TOGARAM2: variants seen among roughly 807,000 people sequenced by gnomAD.
TOGARAM2 encodes TOG array regulator of axonemal microtubules protein 2.
Under a neutral mutation model 93.3 loss-of-function variants are expected in TOGARAM2, and 85 were observed. The observed-to-expected ratio is 0.91, with a 90% CI of 0.76 to 1.09. The LOEUF is 1.09. Among genes scored for constraint, TOGARAM2 ranks in the 50% least tolerant of loss-of-function variants. The pLI, the probability that TOGARAM2 is intolerant of heterozygous loss-of-function variation, is 0.00. For missense variants in TOGARAM2, 1,277 were observed against 1,334.5 expected, an observed-to-expected ratio of 0.96 and a Z score of 0.67; for synonymous variants, 593 against 552.8, an observed-to-expected ratio of 1.07 and a Z score of -1.02.
At chr2:29,006,385 A>G (rs1403155445) in intron 6 of TOGARAM2, among the ~76,000 whole-genome samples, 1 of 115,074 alleles carries the variant, frequency 8.7e-6, no homozygotes, top group Non-Finnish European at 1.8e-5. Flanking sequence ...TATGTGTGTG[A>G]GTGCGTGTGT....
chr2:29,033,419 C>A, intron 15 of TOGARAM2, 50 bp from the exon 16 acceptor site: 1 of 1,524,764 alleles, frequency 6.6e-7, no homozygotes. Context: ...TCTGGCATTT[C>A]CCTGGAGGGC....
intron 1 of TOGARAM2, among the ~76,000 whole-genome samples, chr2:28,986,567 T>C (rs931446757): frequency 3.9e-5 from 6 of 152,356 alleles, no homozygotes; most frequent in African/African-American, 1.4e-4. Context: ...AGCAACGTGC[T>C]ACTTGACCCC....
chr2:28,976,956 G>A (rs1672047325), upstream of TOGARAM2, among the ~76,000 whole-genome samples: 2 of 152,284 alleles, frequency 1.3e-5, no homozygotes, highest in East Asian at 1.9e-4. Context: ...TGGGAGATAA[G>A]CCAGCACAGT....
chr2:28,968,403 C>T (rs957233893), intron 1 of TOGARAM2, among the ~76,000 whole-genome samples: 2 of 152,124 alleles, frequency 1.3e-5, no homozygotes, highest in Non-Finnish European at 2.9e-5. Flanking sequence ...CTCCCCTCTT[C>T]CCTCCTCGCT....
chr2:29,017,888 C>T lies in TOGARAM2; in HGVS notation c.1292C>T (p.Ala431Val). 2 of 1,612,708 alleles carry T rather than the reference C, an allele frequency of 1.2e-6. No individual in the cohort carries two copies. Among genetic ancestry groups the T allele is most frequent in the South Asian group, 2.2e-5 (2 of 90,884 alleles). The part of the protein sequence containing the change: ...NDVSIILRKW[A>V]SRASLPSIPI... ...GTCAGCATCATCCTGAGGAAGTGGG[C>T]CAGCCGGGCCTCCCTGCCCAGCATC... The change falls in exon 10 of 20, where the codon GCC (alanine) becomes GTC (valine). Residue 431 changes from alanine to valine, a missense_variant. Transcript: ENST00000379558.
chr2:29,004,034 C>A (rs541295935), intron 6 of TOGARAM2, among the ~76,000 whole-genome samples: 1 of 152,214 alleles, frequency 6.6e-6, no homozygotes, highest in African/African-American at 2.4e-5. Context: ...CTCACTCTGT[C>A]GCCCAGGCTG....
intron 16 of TOGARAM2, among the ~76,000 whole-genome samples, chr2:29,035,150 CAAAA>C (rs5830098): frequency 6.8e-5 from 7 of 102,552 alleles, no homozygotes; most frequent in Admixed American, 2.0e-4. Context: ...GACTCTGCCT[CAAAA>C]AAAAAAAAAA....
chr2:28,983,231 A>C (rs1672314202), intron 1 of TOGARAM2, among the ~76,000 whole-genome samples: 1 of 70,162 alleles, frequency 1.4e-5, no homozygotes. Flanking sequence ...TTTTTTGTAG[A>C]GATGGGTTTT....
At chr2:29,020,311 G>A (rs1337963023) in intron 10 of TOGARAM2, among the ~76,000 whole-genome samples, 1 of 150,082 alleles carries the variant, frequency 6.7e-6, no homozygotes, top group African/African-American at 2.5e-5. Flanking sequence ...ATTGTAACTA[G>A]GGGCAAGGAG....
At chr2:29,017,378 C>A in intron 9 of TOGARAM2, 74 bp downstream of exon 9, 1 of 1,336,872 alleles carries the variant, frequency 7.5e-7, no homozygotes, top group South Asian at 1.9e-5. Context: ...TGCTGATGGG[C>A]CCATTTTCTT....
intron 14 of TOGARAM2, among the ~76,000 whole-genome samples, chr2:29,029,447 G>T (rs539521265): frequency 7.5e-4 from 115 of 152,330 alleles, no homozygotes; most frequent in African/African-American, 2.7e-3. Flanking sequence ...AAGCTATGAG[G>T]ATGCAAGGGC....
At position 29,033,004 on chromosome 2, in the gene TOGARAM2, C is replaced by T. The variant is rs1665861540; in HGVS notation, c.2083C>T (p.Leu695Phe). Residue 695 changes from leucine (L) to phenylalanine (F), a missense_variant, in exon 15 of 20, where the codon CTC becomes TTC. Transcript: ENST00000379558. Reference sequence around the variant, plus strand: ...GTTTGATGCATTTCTGAAGCAATCTCTCCCATCTTACGACTTGCAGAAGGT... The same window carrying T: ...GTTTGATGCATTTCTGAAGCAATCTTTCCCATCTTACGACTTGCAGAAGGT... ...TKFDAFLKQS[L>F]PSYDLQKVMA... is the part of the protein sequence containing the mutation. 1 of 1,613,910 alleles carries T rather than the reference C, an allele frequency of 6.2e-7. No individual in the cohort carries two copies. The highest frequency in any genetic ancestry group is 8.5e-7 in the Non-Finnish European group (1 of 1,179,870).
upstream of TOGARAM2, among the ~76,000 whole-genome samples, chr2:28,978,859 C>T (rs558352689): frequency 3.3e-4 from 51 of 152,266 alleles, no homozygotes; most frequent in African/African-American, 1.1e-3. Context: ...TGGTTTCCTT[C>T]ATAGCTGTTG....
chr2:28,989,861 G>A (rs1039594943), intron 1 of TOGARAM2, among the ~76,000 whole-genome samples: 3 of 152,262 alleles, frequency 2.0e-5, no homozygotes, highest in Non-Finnish European at 2.9e-5. Context: ...GTTTAGCAAC[G>A]TGCCTTCAGT....
At chr2:29,006,348 A>G (rs367634343) in intron 6 of TOGARAM2, among the ~76,000 whole-genome samples, 14 of 100,750 alleles carry the variant, frequency 1.4e-4, no homozygotes, top group Middle Eastern at 0.017. Flanking sequence ...GTATGTGTGT[A>G]TGTGTGAGTG....
Position 29,033,020 on chromosome 2 carries a change from T to A in TOGARAM2, c.2099T>A (p.Leu700Ter). 1.2e-6 allele frequency: 2 copies of A among 1,613,854 alleles called. No individual in the cohort carries two copies. The stretch of plus-strand genomic sequence containing the variant: ...AAGCAATCTCTCCCATCTTACGACT[T>A]GCAGAAGGTCATGGCGGCCATTAAA... ...FLKQSLPSYD[L>*]QKVMAAIKQQ... Residue 700 changes from leucine to a stop codon, truncating the protein, a stop_gained, in exon 15 of 20, where the codon TTG becomes TAG. Transcript: ENST00000379558. LOFTEE classifies it high-confidence loss of function.
At chr2:29,016,219 T>C (rs1664561148) in intron 8 of TOGARAM2, among the ~76,000 whole-genome samples, 1 of 152,070 alleles carries the variant, frequency 6.6e-6, no homozygotes, top group Admixed American at 6.6e-5. Context: ...ACCTCATATA[T>C]CAGCGAAGAG....
chr2:29,029,114 T>C (rs1443163336), intron 14 of TOGARAM2, among the ~76,000 whole-genome samples: 2 of 152,214 alleles, frequency 1.3e-5, no homozygotes, highest in Non-Finnish European at 2.9e-5. Flanking sequence ...TGGGTATCCA[T>C]TGGGTATCAT....
chr2:29,029,960 TAAAAC>T (rs1233264139), intron 14 of TOGARAM2, among the ~76,000 whole-genome samples: 1 of 151,912 alleles, frequency 6.6e-6, no homozygotes, highest in Non-Finnish European at 1.5e-5. Flanking sequence ...AATAAAAAAT[TAAAAC>T]AAAAACAGGC....
Sources: gnomAD v4.1 joint callset for allele counts (sites outside exome capture counted in the v4.1 genomes callset) on GRCh38, gnomAD v4.1.1 for gene constraint, MANE v1.5 for transcripts, NCBI Gene and HGNC (gene_info 2026-07-23, HGNC 2026-07-21) for gene names.